LCP1: variants seen among roughly 807,000 people sequenced by gnomAD.
LCP1 encodes plastin-2.
In LCP1, 23 loss-of-function variants were observed where a neutral mutation model predicts 72.0. The ratio of observed to expected loss-of-function variants is 0.32; its 90% CI spans 0.23 to 0.45. The LOEUF is 0.45. Ranked by LOEUF, LCP1 falls within the 20% of genes least tolerant of loss-of-function variation. The probability of loss-of-function intolerance (pLI) is 1.00; values close to 1 mark genes in which losing one functional copy is unlikely to be tolerated. For missense variants in LCP1, 571 were observed against 748.3 expected, an observed-to-expected ratio of 0.76 and a Z score of 2.76; for synonymous variants, 245 against 275.4, an observed-to-expected ratio of 0.89 and a Z score of 1.09.
intron 1 of LCP1, among the ~76,000 whole-genome samples, chr13:46,175,300 GA>G (rs2045923895): frequency 6.6e-6 from 1 of 152,136 alleles, no homozygotes; most frequent in Non-Finnish European, 1.5e-5. Context: ...AATGGAAGGG[GA>G]AAATAACCCA....
chr13:46,180,619 G>A (rs774561546), intron 1 of LCP1, among the ~76,000 whole-genome samples: 1 of 152,234 alleles, frequency 6.6e-6, no homozygotes, highest in Non-Finnish European at 1.5e-5. Context: ...TTCCCCTGAT[G>A]TTCCTGGGGG....
In LCP1 at chr13:46,158,882, T is replaced by C. The variant is rs1460755934; in HGVS notation, c.172A>G (p.Met58Val). The C allele has an allele frequency of 5.0e-6, 8 of 1,614,046 alleles. No individual in the cohort carries two copies. In the Admixed American group the frequency reaches 1.2e-4, roughly 24 times the overall value. ...TCTTGGTCCAGATCACCTGTAGCCA[T>C]CAGGTTTTCTGTAATTTCTCGTACT... ...YRVREITENL[M>V]ATGDLDQDGR... Residue 58 changes from methionine (M) to valine (V), a missense_variant, in exon 3 of 16, where the codon ATG (methionine) becomes GTG (valine). Coordinates refer to ENST00000323076, the MANE Select transcript of LCP1 (RefSeq NM_002298.5).
At chr13:46,173,139 G>A (rs970269010) in intron 1 of LCP1, among the ~76,000 whole-genome samples, 1 of 152,146 alleles carries the variant, frequency 6.6e-6, no homozygotes, top group South Asian at 2.1e-4. Context: ...AATGTTCCTC[G>A]CTTCCTTTAT....
chr13:46,162,089 G>C (rs1321066648), intron 1 of LCP1, among the ~76,000 whole-genome samples: 4 of 151,806 alleles, frequency 2.6e-5, no homozygotes, highest in Non-Finnish European at 5.9e-5. Context: ...TTAAGATACA[G>C]ATCTCAAATC....
rs200175795 is a variant in LCP1 at position 46,130,880 on chromosome 13, C to T, written c.1685G>A (p.Gly562Asp). 2.5e-6 allele frequency: 4 copies of T among 1,613,052 alleles called. No homozygotes were observed. In the East Asian group the frequency reaches 8.9e-5, roughly 36 times the overall value. Residue 562 changes from glycine to aspartate, a missense_variant, in exon 15 of 16, where the codon GGT becomes GAT. Coordinates refer to ENST00000323076, the MANE Select transcript of LCP1 (RefSeq NM_002298.5). ...CTTCAGAAGGTCATAGTTAATGGAA[C>T]CTGGTTGGATGGCATCGATGAGGTC... ...VLDLIDAIQP[G>D]SINYDLLKTE... is the part of the protein sequence containing the mutation.
chr13:46,177,513 G>A lies in LCP1; in HGVS notation c.-25+4598C>T, dbSNP rs532904448. 1.3e-3 allele frequency among the ~76,000 whole-genome samples: 191 copies of A among 152,106 alleles called. 1 individual carries two copies. Among genetic ancestry groups the A allele is most frequent in the African/African-American group, 4.0e-3 (164 of 41,488 alleles). On this transcript the variant is annotated intron_variant, in intron 1 of 15. Coordinates refer to ENST00000323076, the MANE Select transcript of LCP1 (RefSeq NM_002298.5). ...AAATTAGCCGGGCGTGGTGGTGGGC[G>A]CCTGTAGTCCCAGCTACTCGGGAGG...
At position 46,126,856 on chromosome 13, in the gene LCP1, A is replaced by G. The variant is rs911584542; in HGVS notation, c.*735T>C. Reference sequence around the variant, plus strand: ...TAGATCTGGTCCAAGCCCAAATTCTAGAGTTAAAAGCAGAGGGGTTCTTAG... The same window carrying G: ...TAGATCTGGTCCAAGCCCAAATTCTGGAGTTAAAAGCAGAGGGGTTCTTAG... On this transcript the variant is annotated 3_prime_UTR_variant, in exon 16 of 16. Coordinates refer to ENST00000323076, the MANE Select transcript of LCP1 (RefSeq NM_002298.5). 2.2e-5 allele frequency: 5 copies of G among 230,782 alleles called. No homozygotes were observed. In the South Asian group the frequency reaches 5.5e-4, roughly 25 times the overall value. 14.3% of individuals were successfully genotyped at this position (230,782 alleles called of 1,614,324 possible). A position where few individuals can be genotyped will look rare whatever the true frequency, so the allele number is the denominator to read the frequency against.
At chr13:46,131,542 G>C (rs986074372) in intron 14 of LCP1, among the ~76,000 whole-genome samples, 1 of 152,130 alleles carries the variant, frequency 6.6e-6, no homozygotes, top group African/African-American at 2.4e-5. Flanking sequence ...CTTCCAAAAA[G>C]ACACCTGCAT....
rs368826510 is a variant in LCP1 at position 46,154,868 on chromosome 13, T to C, written c.510A>G (p.Ser170=). ...TTCTTTCATCAATTGTGTCTGGCACTGACAGGTTGATCATTTTACTGAAAG... is the reference window on the plus strand; with the variant it reads ...TTCTTTCATCAATTGTGTCTGGCACCGACAGGTTGATCATTTTACTGAAAG... ...GIVLCKMINL[S]VPDTIDERTI... The change falls in exon 6 of 16, where the codon TCA becomes TCG. Residue 170 remains serine, a synonymous_variant. Transcript: ENST00000323076. 1 of 1,613,664 alleles carries C rather than the reference T, an allele frequency of 6.2e-7. No homozygotes were observed. Among genetic ancestry groups the C allele is most frequent in the African/African-American group, 1.3e-5 (1 of 74,936 alleles).
intron 1 of LCP1, among the ~76,000 whole-genome samples, chr13:46,170,035 G>T (rs2045897144): frequency 6.6e-6 from 1 of 152,180 alleles, no homozygotes; most frequent in South Asian, 2.1e-4. Flanking sequence ...TAGCAGATTA[G>T]TGTCTGGCCC....
At chr13:46,159,433 T>C (rs1011759224) in intron 2 of LCP1, 166 bp downstream of exon 2, 5 of 602,902 alleles carry the variant, frequency 8.3e-6, no homozygotes, top group Non-Finnish European at 1.5e-5. Flanking sequence ...AGTCATTTTA[T>C]TGAAGCATAT....
intron 12 of LCP1, chr13:46,142,816 G>T: frequency 2.2e-6 from 1 of 462,886 alleles, no homozygotes; most frequent in South Asian, 1.6e-5. Flanking sequence ...ATGGACATGT[G>T]AACAGATATT....
chr13:46,146,993 G>A lies in LCP1; in HGVS notation c.1089C>T (p.Asn363=). Residue 363 remains asparagine (N), a synonymous_variant, in exon 10 of 16, where the codon AAC becomes AAT. Coordinates refer to ENST00000323076, the MANE Select transcript of LCP1 (RefSeq NM_002298.5). ...TDVVRGNPKL[N]LAFIANLFNR... is the part of the protein sequence containing the mutation. ...TAAAGAGGTTGGCAATAAAAGCCAA[G>A]TTCAACTTGGGGTTCCCTCGGACAA... The A allele has an allele frequency of 6.2e-7, 1 of 1,614,144 alleles. No homozygotes were observed. Among genetic ancestry groups the A allele is most frequent in the Non-Finnish European group, 8.5e-7 (1 of 1,180,016 alleles).
intron 1 of LCP1, among the ~76,000 whole-genome samples, chr13:46,160,873 T>C (rs367989228): frequency 5.1e-4 from 78 of 152,220 alleles, no homozygotes; most frequent in African/African-American, 1.8e-3. Context: ...AAGTTATCGA[T>C]TTAAAAAAAA....
Position 46,151,023 on chromosome 13 carries a change from G to A in LCP1, c.795C>T (p.Ser265=). 1 of 1,613,952 alleles carries A rather than the reference G, an allele frequency of 6.2e-7. No homozygotes were observed. The highest frequency in any genetic ancestry group is 8.5e-7 in the Non-Finnish European group (1 of 1,179,940). ...GESLEDLMKL[S]PEELLLRWAN... is the part of the protein sequence containing the mutation. ...CCCACCTCAGCAAGAGCTCTTCAGG[G>A]GAGAGTTTCATCAAATCCTCCAGGC... Residue 265 remains serine, a synonymous_variant, in exon 8 of 16, where the codon TCC becomes TCT. Coordinates refer to ENST00000323076, the MANE Select transcript of LCP1 (RefSeq NM_002298.5).
intron 13 of LCP1, 53 bp downstream of exon 13, chr13:46,142,239 T>G: frequency 5.7e-6 from 9 of 1,567,900 alleles, no homozygotes; most frequent in Non-Finnish European, 7.8e-6. Context: ...TGCTAATATT[T>G]GTCTAAGTAA....
intron 9 of LCP1, 70 bp downstream of exon 9, chr13:46,148,282 A>C (rs748976124): frequency 9.1e-7 from 1 of 1,098,302 alleles, no homozygotes; most frequent in Non-Finnish European, 1.4e-6. Flanking sequence ...TCAGGGCCAC[A>C]CAAGGTAATG....
chr13:46,158,495 C>T, intron 4 of LCP1, 27 bp downstream of exon 4: 1 of 1,608,360 alleles, frequency 6.2e-7, no homozygotes, highest in Non-Finnish European at 8.5e-7. Flanking sequence ...TCCTGAAATC[C>T]TGCTCCAACC....
At chr13:46,171,391 G>C (rs2045903730) in intron 1 of LCP1, among the ~76,000 whole-genome samples, 1 of 152,136 alleles carries the variant, frequency 6.6e-6, no homozygotes, top group Non-Finnish European at 1.5e-5. Context: ...ACATATTTCT[G>C]CAAGGTTTTA....
Sources: gnomAD v4.1 joint callset for allele counts (sites outside exome capture counted in the v4.1 genomes callset) on GRCh38, gnomAD v4.1.1 for gene constraint, MANE v1.5 for transcripts, NCBI Gene and HGNC (gene_info 2026-07-23, HGNC 2026-07-21) for gene names.